LRRC37A2: variants seen among roughly 807,000 people sequenced by gnomAD.
LRRC37A2 encodes the protein leucine rich repeat containing 37 member A2.
LRRC37A2 carries 9 observed loss-of-function variants against 68.8 expected under a neutral mutation model. That is an observed-to-expected ratio of 0.13 (90% CI 0.08 to 0.23). The LOEUF (loss-of-function observed/expected upper bound fraction) is 0.23. LRRC37A2 is among the 10% of genes least tolerant of loss of function. The probability of loss-of-function intolerance (pLI) is 1.00; values close to 1 mark genes in which losing one functional copy is unlikely to be tolerated. For synonymous variants in LRRC37A2, 63 were observed against 367.6 expected, an observed-to-expected ratio of 0.17 and a Z score of 9.48; for missense variants, 168 against 950.4, an observed-to-expected ratio of 0.18 and a Z score of 10.82.
the LRRC37A2 span, chr17:46,936,965 T>TAAA: frequency 3.1e-5 from 6 of 196,324 alleles, no homozygotes; most frequent in Admixed American, 1.4e-4. Flanking sequence ...GTGTATTTAT[T>TAAA]AAAAAAAAAA....
chr17:46,492,454 A>C, the LRRC37A2 span, among the ~76,000 whole-genome samples: 1 of 150,782 alleles, frequency 6.6e-6, no homozygotes, highest in East Asian at 1.9e-4. Context: ...AGTTTGTGGC[A>C]GCTATGAATA....
At chr17:46,725,106 T>C in the LRRC37A2 span, among the ~76,000 whole-genome samples, 1 of 152,160 alleles carries the variant, frequency 6.6e-6, no homozygotes, top group Non-Finnish European at 1.5e-5. Context: ...AATACAAAAA[T>C]AGTACAATGA....
the LRRC37A2 span, among the ~76,000 whole-genome samples, chr17:47,000,908 C>T: frequency 4.6e-5 from 7 of 151,966 alleles, no homozygotes; most frequent in African/African-American, 1.5e-4. Context: ...GAGGTTGAGG[C>T]GGGTGGATCA....
chr17:46,876,604 T>C, the LRRC37A2 span: 1 of 1,612,898 alleles, frequency 6.2e-7, no homozygotes, highest in Non-Finnish European at 8.5e-7. Flanking sequence ...GGCGGGGCTA[T>C]GACACCCAGA....
At chr17:46,915,177 G>A in the LRRC37A2 span, among the ~76,000 whole-genome samples, 5 of 152,204 alleles carry the variant, frequency 3.3e-5, no homozygotes, top group African/African-American at 1.2e-4. Flanking sequence ...TCACACAGTA[G>A]GATTCAGCTG....
chr17:46,999,088 A>G, the LRRC37A2 span, among the ~76,000 whole-genome samples: 1 of 152,210 alleles, frequency 6.6e-6, no homozygotes, highest in Non-Finnish European at 1.5e-5. Flanking sequence ...ACCATCTGCT[A>G]CCAACACCAA....
At chr17:46,947,292 G>GGTGGGCT in the LRRC37A2 span, among the ~76,000 whole-genome samples, 1 of 152,200 alleles carries the variant, frequency 6.6e-6, no homozygotes, top group African/African-American at 2.4e-5. Flanking sequence ...GAGAGGTCGT[G>GGTGGGCT]GTGGGCTGTG....
the LRRC37A2 span, chr17:46,818,891 T>A: frequency 2.1e-6 from 1 of 479,960 alleles, no homozygotes; most frequent in Non-Finnish European, 3.7e-6. Flanking sequence ...GGGAAGGGCA[T>A]CGCCCAGCAA....
chr17:47,034,604 A>G, the LRRC37A2 span, among the ~76,000 whole-genome samples: 4 of 152,042 alleles, frequency 2.6e-5, no homozygotes, highest in Admixed American at 2.6e-4. Context: ...AAAAAAATAG[A>G]AACAGGGTCT....
the LRRC37A2 span, among the ~76,000 whole-genome samples, chr17:47,008,436 T>C: frequency 6.6e-6 from 1 of 150,774 alleles, no homozygotes; most frequent in Non-Finnish European, 1.5e-5. Flanking sequence ...CCAATTTGTA[T>C]GTTGCATATT....
At chr17:46,777,090 A>T in the LRRC37A2 span, among the ~76,000 whole-genome samples, 1 of 152,192 alleles carries the variant, frequency 6.6e-6, no homozygotes, top group Non-Finnish European at 1.5e-5. Context: ...CACGCCTGTA[A>T]TCCCAGCTAC....
chr17:46,977,400 A>G, the LRRC37A2 span, among the ~76,000 whole-genome samples: 1 of 152,250 alleles, frequency 6.6e-6, no homozygotes, highest in African/African-American at 2.4e-5. Flanking sequence ...CAGAAAGCCC[A>G]GCCTTCTCTC....
At chr17:46,738,277 A>G in the LRRC37A2 span, among the ~76,000 whole-genome samples, 1 of 152,148 alleles carries the variant, frequency 6.6e-6, no homozygotes, top group South Asian at 2.1e-4. Context: ...TGAGAATTTG[A>G]GGATATGTTC....
At chr17:46,583,681 A>G in the LRRC37A2 span, among the ~76,000 whole-genome samples, 1 of 66,186 alleles carries the variant, frequency 1.5e-5, no homozygotes, top group East Asian at 2.6e-4. Flanking sequence ...GTTGCAAGAG[A>G]CAAGGAGCAA....
chr17:46,492,261 G>A, the LRRC37A2 span, among the ~76,000 whole-genome samples: 3 of 151,280 alleles, frequency 2.0e-5, no homozygotes, highest in South Asian at 2.1e-4. Flanking sequence ...CATCGCGCCC[G>A]GCCCGTTTGA....
the LRRC37A2 span, chr17:46,930,148 C>CCT: frequency 6.5e-6 from 1 of 154,540 alleles, no homozygotes; most frequent in Non-Finnish European, 1.4e-5. Context: ...TGCTGGGCTC[C>CCT]CTCAGGACCC....
At chr17:46,794,061 T>G in the LRRC37A2 span, among the ~76,000 whole-genome samples, 1 of 151,996 alleles carries the variant, frequency 6.6e-6, no homozygotes, top group South Asian at 2.1e-4. Flanking sequence ...ACAGGCATGT[T>G]CATAGGGAAC....
chr17:46,825,177 A>G, the LRRC37A2 span, among the ~76,000 whole-genome samples: 1 of 152,082 alleles, frequency 6.6e-6, no homozygotes, highest in Non-Finnish European at 1.5e-5. Context: ...CTGTGATCCT[A>G]CCTGAGGAGT....
the LRRC37A2 span, among the ~76,000 whole-genome samples, chr17:46,822,529 A>G: frequency 2.6e-5 from 4 of 152,218 alleles, no homozygotes; most frequent in South Asian, 8.3e-4. Flanking sequence ...GCTGATAGCA[A>G]GGCGGGAGGT....
Sources: allele counts gnomAD v4.1 joint callset (sites outside exome capture counted in the v4.1 genomes callset), GRCh38; gene constraint gnomAD v4.1.1; transcripts MANE v1.5; gene names NCBI Gene and HGNC (gene_info 2026-07-23, HGNC 2026-07-21).